Variants in CFAP20DC observed in about 807,000 individuals in gnomAD.
CFAP20DC encodes the protein CFAP20 domain containing.
A neutral mutation model predicts 101.7 loss-of-function variants in CFAP20DC; 84 were observed. The ratio of observed to expected loss-of-function variants is 0.83; its 90% CI spans 0.69 to 0.99. CFAP20DC has a LOEUF of 0.99. Ranked by LOEUF, CFAP20DC falls within the 50% of genes least tolerant of loss-of-function variation. CFAP20DC has a pLI of 0.00. For synonymous variants in CFAP20DC, 359 were observed against 351.2 expected (o/e 1.02, Z -0.25); for missense variants, 1,007 against 970.3 (o/e 1.04, Z -0.50).
At chr3:59,039,703 A>C in intron 3 of CFAP20DC, 74 bp from the exon 4 acceptor site, 1 of 885,472 alleles carries the variant, frequency 1.1e-6, no homozygotes, top group Non-Finnish European at 1.7e-6. Context: ...ACAATCACAA[A>C]CCACGAACAA....
chr3:58,811,593 A>G (rs2074642950), intron 14 of CFAP20DC, among the ~76,000 whole-genome samples: 1 of 152,168 alleles, frequency 6.6e-6, no homozygotes, highest in South Asian at 2.1e-4. Context: ...ACCTAAAACC[A>G]TAAAAACCCT....
At chr3:58,770,946 G>T (rs1449248955) in intron 15 of CFAP20DC, among the ~76,000 whole-genome samples, 1 of 152,158 alleles carries the variant, frequency 6.6e-6, no homozygotes, top group Non-Finnish European at 1.5e-5. Context: ...AAAGACACAT[G>T]CCCACGTATG....
At chr3:58,988,858 G>A (rs2092836961) in intron 4 of CFAP20DC, among the ~76,000 whole-genome samples, 1 of 152,066 alleles carries the variant, frequency 6.6e-6, no homozygotes, top group Non-Finnish European at 1.5e-5. Flanking sequence ...ATGGAAGCCT[G>A]AAGAAAAAAT....
At chr3:58,918,029 T>TA (rs1453528844) in intron 5 of CFAP20DC, among the ~76,000 whole-genome samples, 1 of 152,204 alleles carries the variant, frequency 6.6e-6, no homozygotes, top group East Asian at 1.9e-4. Context: ...CATAGTTTCA[T>TA]ACTCAAGCCA....
chr3:58,937,796 C>G, intron 4 of CFAP20DC, 34 bp from the exon 5 acceptor site: 1 of 1,186,430 alleles, frequency 8.4e-7, no homozygotes, highest in Non-Finnish European at 1.3e-6. Flanking sequence ...CAGAAAGATT[C>G]CCATCAATTT....
intron 13 of CFAP20DC, among the ~76,000 whole-genome samples, chr3:58,841,077 G>A (rs774828472): frequency 6.6e-6 from 1 of 152,212 alleles, no homozygotes; most frequent in African/African-American, 2.4e-5. Flanking sequence ...AGCAGCATGA[G>A]GCCAGTGGGC....
At chr3:58,903,889 G>A (rs2083370924) in intron 6 of CFAP20DC, among the ~76,000 whole-genome samples, 1 of 152,168 alleles carries the variant, frequency 6.6e-6, no homozygotes, top group African/African-American at 2.4e-5. Flanking sequence ...AAGCCAAATT[G>A]TTTTGGTTAC....
intron 3 of CFAP20DC, among the ~76,000 whole-genome samples, chr3:58,735,701 T>TA (rs1163636260): frequency 6.6e-6 from 1 of 152,186 alleles, no homozygotes; most frequent in Admixed American, 6.5e-5. Context: ...CAGCATATCT[T>TA]AGAGTCCCCA....
At chr3:58,760,175 G>A (rs2069410878) in intron 15 of CFAP20DC, among the ~76,000 whole-genome samples, 2 of 152,168 alleles carry the variant, frequency 1.3e-5, no homozygotes, top group Non-Finnish European at 2.9e-5. Context: ...AGCATGCAAT[G>A]TTCTTCTATT....
intron 4 of CFAP20DC, among the ~76,000 whole-genome samples, chr3:58,978,646 T>C (rs2092386594): frequency 1.3e-5 from 2 of 150,638 alleles, no homozygotes; most frequent in African/African-American, 4.9e-5. Flanking sequence ...GAGGTGGAGG[T>C]TGCAGTGGGC....
intron 13 of CFAP20DC, among the ~76,000 whole-genome samples, chr3:58,846,733 C>T (rs1362329147): frequency 6.7e-6 from 1 of 149,306 alleles, no homozygotes; most frequent in Non-Finnish European, 1.5e-5. Flanking sequence ...AAGAACAAAG[C>T]TGGAGGCATC....
At chr3:58,898,541 T>C (rs2082866762) in intron 6 of CFAP20DC, among the ~76,000 whole-genome samples, 1 of 152,244 alleles carries the variant, frequency 6.6e-6, no homozygotes, top group Non-Finnish European at 1.5e-5. Flanking sequence ...ATCAGTTCAG[T>C]TACGTTCTTC....
At chr3:59,040,429 T>C (rs547419249) in intron 3 of CFAP20DC, among the ~76,000 whole-genome samples, 37 of 152,160 alleles carry the variant, frequency 2.4e-4, no homozygotes, top group Middle Eastern at 3.4e-3. Flanking sequence ...CTCTCAATTA[T>C]GGTGCTCTTA....
chr3:59,025,325 A>G (rs926204040), intron 4 of CFAP20DC, among the ~76,000 whole-genome samples: 7 of 152,286 alleles, frequency 4.6e-5, no homozygotes, highest in African/African-American at 1.7e-4. Flanking sequence ...GAAAAGCTGC[A>G]TCTGTCTTTA....
chr3:59,016,510 A>T (rs912813451), intron 4 of CFAP20DC, among the ~76,000 whole-genome samples: 3 of 152,112 alleles, frequency 2.0e-5, no homozygotes, highest in South Asian at 2.1e-4. Context: ...TGTATATTTT[A>T]AAAAAGCTAG....
chr3:58,945,488 T>A (rs1212277210), intron 4 of CFAP20DC, among the ~76,000 whole-genome samples: 4 of 152,160 alleles, frequency 2.6e-5, no homozygotes, highest in African/African-American at 4.8e-5. Flanking sequence ...ATGATTATTA[T>A]CTTACAACTA....
rs1415306641 is a variant in CFAP20DC at position 58,825,625 on chromosome 3, AC to A, written c.2175+6060del. On this transcript the variant is annotated intron_variant, in intron 14 of 16. Transcript: ENST00000482387. ...TAAAATTCACTTAAAATTCATTATA[AC>A]TAACTCCTAGTGCCCTTCCAAAGGC... 3.3e-5 allele frequency among the ~76,000 whole-genome samples: 5 copies of A among 152,216 alleles called. No individual in the cohort carries two copies. In the East Asian group the frequency reaches 9.7e-4, roughly 29 times the overall value.
chr3:58,841,539 A>C (rs2077108233), intron 13 of CFAP20DC, among the ~76,000 whole-genome samples: 1 of 152,250 alleles, frequency 6.6e-6, no homozygotes. Flanking sequence ...ATATCGGGGC[A>C]GAAACAAAAC....
At position 58,964,655 on chromosome 3, in the gene CFAP20DC, T is replaced by G. The variant is rs2108278081; in HGVS notation, c.279-26893A>C. Among the ~76,000 whole-genome samples the G allele has an allele frequency of 6.6e-6, 1 of 152,362 alleles. No individual in the cohort carries two copies. Among genetic ancestry groups the G allele is most frequent in the South Asian group, 2.1e-4 (1 of 4,830 alleles). ...CACCTACCACTTACTAATAATAATTTGAACTACTTATTTACATATTTTTGG... is the reference window on the plus strand; with the variant it reads ...CACCTACCACTTACTAATAATAATTGGAACTACTTATTTACATATTTTTGG... On this transcript the variant is annotated intron_variant, in intron 4 of 16. Coordinates refer to ENST00000482387, the MANE Select transcript of CFAP20DC (RefSeq NM_001394063.1). This position sits in a 1 kb window ranked among gnomAD's most constrained non-coding sequence, Gnocchi z 4.1.
Sources: gnomAD v4.1 joint callset for allele counts (sites outside exome capture counted in the v4.1 genomes callset) on GRCh38, gnomAD v4.1.1 for gene constraint, Gnocchi (gnomAD v3.1) non-coding constraint, MANE v1.5 for transcripts, NCBI Gene and HGNC (gene_info 2026-07-23, HGNC 2026-07-21) for gene names.